Variants in TFCP2 observed in about 807,000 individuals in gnomAD.
TFCP2 encodes transcription factor CP2.
Under a neutral mutation model 73.4 loss-of-function variants are expected in TFCP2, and 33 were observed. The ratio of observed to expected loss-of-function variants is 0.45; its 90% CI spans 0.34 to 0.60. TFCP2 has a LOEUF of 0.60. TFCP2 is among the 20% of genes least tolerant of loss of function. The probability of loss-of-function intolerance (pLI) is 0.01; values close to 1 mark genes in which losing one functional copy is unlikely to be tolerated. For missense variants in TFCP2, 352 were observed against 604.0 expected (o/e 0.58, Z 4.37); for synonymous variants, 193 against 211.6 (o/e 0.91, Z 0.76).
chr12:51,102,337 G>A (rs1478365534), intron 10 of TFCP2, among the ~76,000 whole-genome samples: 5 of 152,080 alleles, frequency 3.3e-5, no homozygotes, highest in African/African-American at 9.7e-5. Flanking sequence ...CCAGCTACTC[G>A]AGAAGCTGAG....
chr12:51,140,266 C>T (rs551782801), intron 1 of TFCP2, among the ~76,000 whole-genome samples: 1 of 151,752 alleles, frequency 6.6e-6, no homozygotes, highest in African/African-American at 2.4e-5. Context: ...ACTAAAAGAA[C>T]CTGAAAAGGA....
Position 51,099,742 on chromosome 12 carries a change from C to T in TFCP2, c.1189G>A (p.Glu397Lys). 1 of 1,614,104 alleles carries T rather than the reference C, an allele frequency of 6.2e-7. No individual in the cohort carries two copies. The highest frequency in any genetic ancestry group is 8.5e-7 in the Non-Finnish European group (1 of 1,180,022). The change falls in exon 12 of 15, where the codon GAA becomes AAA. Residue 397 changes from glutamate (E) to lysine (K), a missense_variant. Coordinates refer to ENST00000257915, the MANE Select transcript of TFCP2 (RefSeq NM_005653.5). The part of the protein sequence containing the change: ...RPRLTIYVCQ[E>K]SLQLREQQQQ... ...TGCTGCTCCCTCAACTGCAGTGATT[C>T]CTGACAAACATAAATGGTTAACCTT...
At chr12:51,149,662 C>T (rs1941380735) in intron 1 of TFCP2, among the ~76,000 whole-genome samples, 1 of 152,080 alleles carries the variant, frequency 6.6e-6, no homozygotes, top group Admixed American at 6.6e-5. Flanking sequence ...TGCAGTGGCA[C>T]GATCTTTGCT....
Position 51,095,298 on chromosome 12 carries a change from G to A in TFCP2, c.1472-20C>T, listed in dbSNP as rs1592783649. The A allele has an allele frequency of 1.2e-6, 2 of 1,612,940 alleles. No homozygotes were observed. The highest frequency in any genetic ancestry group is 2.2e-5 in the East Asian group (1 of 44,866). The stretch of plus-strand genomic sequence containing the variant: ...TTTCTGCTGTTAAAAAAAAGAGAGA[G>A]AGAGAATCATCTTTAGTCACCTCTA... On this transcript the variant is annotated intron_variant, in intron 14 of 14. Transcript: ENST00000257915.
Position 51,170,765 on chromosome 12 carries a change from C to T in TFCP2, c.122+1536G>A, listed in dbSNP as rs569813911. On this transcript the variant is annotated intron_variant, in intron 1 of 14. Coordinates refer to ENST00000257915, the MANE Select transcript of TFCP2 (RefSeq NM_005653.5). ...TGCGATCTCTGCTCACTGCAACCTC[C>T]GCCTCCCGGTTCAAGCAATTCTCCT... Among the ~76,000 whole-genome samples the T allele has an allele frequency of 3.6e-4, 55 of 152,028 alleles. 1 individual carries two copies. The South Asian group carries it at 0.011, about 31-fold the overall frequency.
intron 4 of TFCP2, 103 bp downstream of exon 4, chr12:51,116,212 G>A (rs1430511547): frequency 4.0e-6 from 2 of 496,038 alleles, no homozygotes; most frequent in African/African-American, 3.9e-5. Flanking sequence ...TATACTAATT[G>A]AGCCTCTCAA....
rs1038066981 is a variant in TFCP2 at position 51,111,130 on chromosome 12, G to A, written c.458-147C>T. 8 of 612,728 alleles carry A rather than the reference G, an allele frequency of 1.3e-5. No individual in the cohort carries two copies. The South Asian group carries it at 1.5e-4, about 12-fold the overall frequency. 38.0% of individuals were successfully genotyped at this position (612,728 alleles called of 1,614,324 possible). A position where few individuals can be genotyped will look rare whatever the true frequency, so the allele number is the denominator to read the frequency against. On this transcript the variant is annotated intron_variant, in intron 4 of 14. Transcript: ENST00000257915. ...TTCTTTGTTTTTTTTTTTTGTCGTT[G>A]TTGTTGTTTTTTATGGAGTCTTGTT...
intron 10 of TFCP2, 142 bp from the exon 11 acceptor site, chr12:51,102,167 T>C: frequency 1.6e-6 from 1 of 617,268 alleles, no homozygotes. Context: ...AGGCCCTTCA[T>C]GACCTGGCTC....
At chr12:51,118,887 G>A (rs1940595059) in intron 1 of TFCP2, 115 bp from the exon 2 acceptor site, 1 of 1,220,828 alleles carries the variant, frequency 8.2e-7, no homozygotes, top group Non-Finnish European at 1.2e-6. Context: ...TCACCTTGGT[G>A]GAGTTTCATC....
At chr12:51,171,314 G>A (rs899121933) in intron 1 of TFCP2, among the ~76,000 whole-genome samples, 2 of 152,188 alleles carry the variant, frequency 1.3e-5, no homozygotes, top group African/African-American at 2.4e-5. Context: ...CTGGAGGAAT[G>A]AAGCAGCCAA....
At chr12:51,146,833 T>C (rs116391354) in intron 1 of TFCP2, among the ~76,000 whole-genome samples, 2,085 of 152,342 alleles carry the variant, frequency 0.014, 50 homozygotes, top group African/African-American at 0.048. Context: ...TTTATTTATA[T>C]ACATGTCTTA....
At chr12:51,142,066 G>A (rs1965974) in intron 1 of TFCP2, among the ~76,000 whole-genome samples, 52,368 of 151,228 alleles carry the variant, frequency 0.35, 12,071 homozygotes, top group Non-Finnish European at 0.52. Context: ...AGCCAGGCGT[G>A]GTGGTGCACA....
intron 1 of TFCP2, among the ~76,000 whole-genome samples, chr12:51,124,010 C>T (rs927669946): frequency 6.6e-6 from 1 of 152,300 alleles, no homozygotes; most frequent in Admixed American, 6.5e-5. Flanking sequence ...AATCTTCAAA[C>T]AGCATGATAA....
intron 1 of TFCP2, among the ~76,000 whole-genome samples, chr12:51,161,713 T>C (rs1293769294): frequency 3.4e-5 from 5 of 147,168 alleles, no homozygotes; most frequent in Non-Finnish European, 7.5e-5. Flanking sequence ...TAATTTTTTT[T>C]CTTCGCACCA....
chr12:51,121,544 C>T (rs1940674109), intron 1 of TFCP2, among the ~76,000 whole-genome samples: 1 of 149,184 alleles, frequency 6.7e-6, no homozygotes, highest in African/African-American at 2.5e-5. Flanking sequence ...CGGCTCACTG[C>T]AACCTCCACC....
rs1156666813 is a variant in TFCP2 at position 51,095,210 on chromosome 12, G to A, written c.*31C>T. ...GGGCCGTTTTCAGAGGTGAAGGAAGGAGCAGCCACTGGGCACGAAACGCCG... is the reference window on the plus strand; with the variant it reads ...GGGCCGTTTTCAGAGGTGAAGGAAGAAGCAGCCACTGGGCACGAAACGCCG... On this transcript the variant is annotated 3_prime_UTR_variant, in exon 15 of 15. Coordinates refer to ENST00000257915, the MANE Select transcript of TFCP2 (RefSeq NM_005653.5). 3 of 1,613,010 alleles carry A rather than the reference G, an allele frequency of 1.9e-6. No individual in the cohort carries two copies. The highest frequency in any genetic ancestry group is 2.5e-6 in the Non-Finnish European group (3 of 1,179,068).
At chr12:51,126,069 A>G (rs1335761510) in intron 1 of TFCP2, among the ~76,000 whole-genome samples, 3 of 152,004 alleles carry the variant, frequency 2.0e-5, no homozygotes, top group Non-Finnish European at 4.4e-5. Flanking sequence ...TCTCTACTAA[A>G]AAAGACAACA....
chr12:51,125,873 G>A (rs1271960683), intron 1 of TFCP2, among the ~76,000 whole-genome samples: 4 of 152,064 alleles, frequency 2.6e-5, no homozygotes, highest in South Asian at 2.1e-4. Context: ...TAAGATGGGC[G>A]GATCATGAGG....
chr12:51,118,301 T>TC (rs1940580684), intron 2 of TFCP2, among the ~76,000 whole-genome samples: 2 of 152,318 alleles, frequency 1.3e-5, no homozygotes, highest in South Asian at 4.1e-4. Flanking sequence ...ACGCCTGTAA[T>TC]CCCAGCACTT....
Sources: allele counts gnomAD v4.1 joint callset (sites outside exome capture counted in the v4.1 genomes callset), GRCh38; gene constraint gnomAD v4.1.1; transcripts MANE v1.5; gene names NCBI Gene and HGNC (gene_info 2026-07-23, HGNC 2026-07-21).